Variants in PCDH9 observed in about 807,000 individuals in gnomAD.
PCDH9 encodes protocadherin-9.
In PCDH9, 24 loss-of-function variants were observed where a neutral mutation model predicts 70.6. The observed-to-expected ratio is 0.34, with a 90% CI of 0.25 to 0.48. The LOEUF (loss-of-function observed/expected upper bound fraction) is 0.48, where lower values mean the gene tolerates loss of function less well. Ranked by LOEUF, PCDH9 falls within the 20% of genes least tolerant of loss-of-function variation. The pLI is 0.99. For synonymous variants in PCDH9, 562 were observed against 558.5 expected, an observed-to-expected ratio of 1.01 and a Z score of -0.09; for missense variants, 1,281 against 1,503.6, an observed-to-expected ratio of 0.85 and a Z score of 2.45.
chr13:67,032,462 T>C (rs1204699468), intron 2 of PCDH9, among the ~76,000 whole-genome samples: 1 of 152,082 alleles, frequency 6.6e-6, no homozygotes, highest in Non-Finnish European at 1.5e-5. Context: ...CAGTGCCCGG[T>C]CAACATCACT....
intron 4 of PCDH9, among the ~76,000 whole-genome samples, chr13:66,564,549 G>A (rs559527371): frequency 1.3e-5 from 2 of 152,138 alleles, no homozygotes; most frequent in East Asian, 3.9e-4. Flanking sequence ...AGAGAAATGG[G>A]AGTGTTAATA....
chr13:66,881,683 G>C (rs1566263767), intron 3 of PCDH9, among the ~76,000 whole-genome samples: 1 of 151,988 alleles, frequency 6.6e-6, no homozygotes, highest in Non-Finnish European at 1.5e-5. Context: ...TATTTTACAA[G>C]GTGTGGGAAA....
At chr13:66,723,852 C>T (rs1222088224) in intron 3 of PCDH9, among the ~76,000 whole-genome samples, 2 of 152,168 alleles carry the variant, frequency 1.3e-5, no homozygotes, top group Non-Finnish European at 2.9e-5. Context: ...TGGTAAAAGG[C>T]CACACAACAG....
intron 4 of PCDH9, among the ~76,000 whole-genome samples, chr13:66,580,290 A>T (rs2076872704): frequency 6.6e-6 from 1 of 151,914 alleles, no homozygotes; most frequent in Non-Finnish European, 1.5e-5. Flanking sequence ...ATATACAACT[A>T]TTTATTTTGA....
Position 67,226,932 on chromosome 13 carries a change from G to T in PCDH9, c.1509C>A (p.Asp503Glu). 1 of 1,614,162 alleles carries T rather than the reference G, an allele frequency of 6.2e-7. No individual in the cohort carries two copies. Among genetic ancestry groups the T allele is most frequent in the Non-Finnish European group, 8.5e-7 (1 of 1,180,006 alleles). ...ATDEDSGKNA[D>E]IVYQLGPNAS... ...CATTCGGTCCAAGCTGATAAACAAT[G>T]TCTGCATTTTTCCCACTGTCTTCAT... The change falls in exon 2 of 5, where the codon GAC (aspartate) becomes GAA (glutamate). Residue 503 changes from aspartate (D) to glutamate (E), a missense_variant. Physicochemically the swap from Asp to Glu is conservative, Grantham distance 45. Coordinates refer to ENST00000377865, the MANE Select transcript of PCDH9 (RefSeq NM_203487.3). The surrounding 1 kb of genome is among the most constrained non-coding windows in gnomAD (Gnocchi z 5.0).
chr13:66,492,963 C>T (rs996747973), intron 4 of PCDH9, among the ~76,000 whole-genome samples: 5 of 152,088 alleles, frequency 3.3e-5, no homozygotes, highest in Non-Finnish European at 5.9e-5. Context: ...AGGTGACTAT[C>T]CTGTCTCATT....
At chr13:66,915,859 G>A (rs1365588072) in intron 2 of PCDH9, among the ~76,000 whole-genome samples, 3 of 151,446 alleles carry the variant, frequency 2.0e-5, no homozygotes, top group Non-Finnish European at 4.4e-5. Flanking sequence ...AGTTCTATTA[G>A]GTCTTTTTCT....
At chr13:66,330,078 A>C (rs1219778432) in intron 4 of PCDH9, among the ~76,000 whole-genome samples, 1 of 152,246 alleles carries the variant, frequency 6.6e-6, no homozygotes, top group Non-Finnish European at 1.5e-5. Context: ...AGTGCTCAAC[A>C]GCAAGACTGG....
At chr13:66,543,508 A>T (rs1961054262) in intron 4 of PCDH9, among the ~76,000 whole-genome samples, 1 of 151,954 alleles carries the variant, frequency 6.6e-6, no homozygotes, top group African/African-American at 2.4e-5. Flanking sequence ...TTGAGGTTGC[A>T]GTGAGCTGGG....
chr13:66,513,266 T>C (rs1247983668), intron 4 of PCDH9, among the ~76,000 whole-genome samples: 1 of 151,534 alleles, frequency 6.6e-6, no homozygotes, highest in Non-Finnish European at 1.5e-5. Context: ...TCTTGTATCC[T>C]TTTATTATTT....
chr13:66,322,057 G>A (rs1955765368), intron 4 of PCDH9, among the ~76,000 whole-genome samples: 1 of 151,808 alleles, frequency 6.6e-6, no homozygotes, highest in East Asian at 1.9e-4. Flanking sequence ...GATGCATGGG[G>A]GGGGTGTGAT....
At chr13:66,978,632 T>C (rs1196870963) in intron 2 of PCDH9, among the ~76,000 whole-genome samples, 1 of 150,720 alleles carries the variant, frequency 6.6e-6, no homozygotes, top group East Asian at 1.9e-4. Flanking sequence ...ATGTAAGGAT[T>C]TATATATGGA....
At chr13:66,758,447 T>C (rs763134591) in intron 3 of PCDH9, among the ~76,000 whole-genome samples, 49 of 152,198 alleles carry the variant, frequency 3.2e-4, no homozygotes, top group Non-Finnish European at 5.9e-4. Context: ...AATTGACACA[T>C]AATTGTGCAT....
intron 2 of PCDH9, among the ~76,000 whole-genome samples, chr13:67,046,636 A>C (rs2139920361): frequency 6.6e-6 from 1 of 152,152 alleles, no homozygotes; most frequent in Admixed American, 6.5e-5. Context: ...TATTTAGTTC[A>C]CTGTGTCTGA....
At chr13:66,409,169 G>C (rs996917069) in intron 4 of PCDH9, among the ~76,000 whole-genome samples, 2 of 151,900 alleles carry the variant, frequency 1.3e-5, no homozygotes, top group Admixed American at 6.6e-5. Flanking sequence ...AAAAAAAAAG[G>C]AGCCAGGTGG....
intron 3 of PCDH9, among the ~76,000 whole-genome samples, chr13:66,857,270 G>A (rs2081409768): frequency 6.6e-6 from 1 of 152,046 alleles, no homozygotes; most frequent in African/African-American, 2.4e-5. Context: ...AATCCATAAT[G>A]TATGTTTCAC....
rs1001743074 is a variant in PCDH9, at chr13:66,404,133, T to A, written c.3341-99105A>T. On this transcript the variant is annotated intron_variant, in intron 4 of 4. Transcript: ENST00000377865. ...CTAAAAGTAGAATATCTGATAAAATTTAAGACTTGCCTTGAAGTCAATTTT... is the reference window on the plus strand; with the variant it reads ...CTAAAAGTAGAATATCTGATAAAATATAAGACTTGCCTTGAAGTCAATTTT... Among the ~76,000 whole-genome samples the A allele has an allele frequency of 1.1e-4, 17 of 152,270 alleles. 1 individual carries two copies. The South Asian group carries it at 3.1e-3, about 28-fold the overall frequency.
chr13:66,801,948 G>A (rs575845134), intron 3 of PCDH9, among the ~76,000 whole-genome samples: 1 of 151,944 alleles, frequency 6.6e-6, no homozygotes, highest in Non-Finnish European at 1.5e-5. Context: ...ATATATTAAT[G>A]TGTATGTTGA....
chr13:66,700,928 ATATATATATAT>A (rs2078633707), intron 3 of PCDH9, among the ~76,000 whole-genome samples: 1 of 50,416 alleles, frequency 2.0e-5, no homozygotes, highest in South Asian at 5.8e-4. Flanking sequence ...ATATAAATAT[ATATATATATAT>A]ATATATATAT....
Sources: gnomAD v4.1 joint callset for allele counts (sites outside exome capture counted in the v4.1 genomes callset) on GRCh38, gnomAD v4.1.1 for gene constraint, Gnocchi (gnomAD v3.1) non-coding constraint, MANE v1.5 for transcripts, NCBI Gene and HGNC (gene_info 2026-07-23, HGNC 2026-07-21) for gene names.